The following CTNNA3 variants were observed in gnomAD, a reference collection of about 807,000 sequenced individuals.
The protein encoded by CTNNA3 is catenin alpha-3.
CTNNA3 carries 76 observed loss-of-function variants against 95.7 expected under a neutral mutation model. The ratio of observed to expected loss-of-function variants is 0.79; its 90% CI spans 0.66 to 0.96. The LOEUF (loss-of-function observed/expected upper bound fraction) is 0.96, where lower values mean the gene tolerates loss of function less well. CTNNA3 is among the 40% of genes least tolerant of loss of function. The pLI, the probability that CTNNA3 is intolerant of heterozygous loss-of-function variation, is 0.00. For synonymous variants in CTNNA3, 431 were observed against 374.4 expected (o/e 1.15, Z -1.74); for missense variants, 1,191 against 1,089.8 (o/e 1.09, Z -1.31).
intron 7 of CTNNA3, among the ~76,000 whole-genome samples, chr10:66,907,099 C>T (rs1428264466): frequency 6.6e-6 from 1 of 152,130 alleles, no homozygotes; most frequent in Non-Finnish European, 1.5e-5. Context: ...TTGATTCTTT[C>T]AATTCAAAAA....
At chr10:67,662,523 GAAGA>G (rs1344283458) in intron 1 of CTNNA3, among the ~76,000 whole-genome samples, 2 of 152,162 alleles carry the variant, frequency 1.3e-5, no homozygotes, top group Admixed American at 6.5e-5. Context: ...TGTTATGCAA[GAAGA>G]AAGAATGAAC....
chr10:67,759,738 C>T (rs1437715636), intron 1 of CTNNA3, among the ~76,000 whole-genome samples: 1 of 152,112 alleles, frequency 6.6e-6, no homozygotes, highest in African/African-American at 2.4e-5. Context: ...CTTGAAGAAG[C>T]AAACTACCAT....
intron 5 of CTNNA3, among the ~76,000 whole-genome samples, chr10:67,357,864 T>C (rs1302733976): frequency 6.6e-6 from 1 of 152,080 alleles, no homozygotes; most frequent in Non-Finnish European, 1.5e-5. Flanking sequence ...GTCCAAGAAC[T>C]TGAACTGTCT....
At chr10:67,173,216 TC>T (rs1453668060) in intron 7 of CTNNA3, among the ~76,000 whole-genome samples, 1 of 152,180 alleles carries the variant, frequency 6.6e-6, no homozygotes, top group Non-Finnish European at 1.5e-5. Context: ...TATAAGGGAT[TC>T]CCTTTTCAGC....
intron 5 of CTNNA3, among the ~76,000 whole-genome samples, chr10:67,482,275 A>G (rs1273581447): frequency 6.6e-6 from 1 of 151,904 alleles, no homozygotes; most frequent in African/African-American, 2.4e-5. Context: ...GTTTTTTCCA[A>G]TTCTGTGAAG....
chr10:67,271,542 GCAATGTGAGAACGGACTAATACAACTA>G (rs1489776596), intron 5 of CTNNA3, among the ~76,000 whole-genome samples: 7 of 152,088 alleles, frequency 4.6e-5, no homozygotes, highest in African/African-American at 7.2e-5. Context: ...TTTCTTCATA[GCAATGTGAGAACGGACTAATACAACTA>G]CACTCTTCTA....
intron 7 of CTNNA3, among the ~76,000 whole-genome samples, chr10:66,942,951 C>T (rs572196334): frequency 4.6e-5 from 7 of 152,154 alleles, no homozygotes; most frequent in Non-Finnish European, 1.0e-4. Flanking sequence ...TTAATGAGCA[C>T]CTATAATGTG....
intron 13 of CTNNA3, among the ~76,000 whole-genome samples, chr10:66,275,377 C>A (rs2091372516): frequency 6.6e-6 from 1 of 152,228 alleles, no homozygotes; most frequent in Non-Finnish European, 1.5e-5. Context: ...CTTGGCCTCC[C>A]AAACAGGCGT....
At chr10:67,192,253 C>T (rs1863151590) in intron 6 of CTNNA3, among the ~76,000 whole-genome samples, 1 of 151,846 alleles carries the variant, frequency 6.6e-6, no homozygotes, top group South Asian at 2.1e-4. Context: ...TAAAAATCTT[C>T]TTCTTCTGCA....
rs58880058 is a variant in CTNNA3 at position 66,374,606 on chromosome 10, C to CTTT, written c.1732+4543_1732+4545dup. ...TCATATTCCATTTTGAAAGAAAAGC[C>CTTT]TTTTTTTTTTTTTTTTTTTTTTTTT... On this transcript the variant is annotated intron_variant, in intron 12 of 17. Coordinates refer to ENST00000433211, the MANE Select transcript of CTNNA3 (RefSeq NM_013266.4). 6.4e-3 allele frequency among the ~76,000 whole-genome samples: 562 copies of CTTT among 88,122 alleles called. 47 individuals are homozygous for CTTT. Among genetic ancestry groups the CTTT allele is most frequent in the African/African-American group, 0.016 (289 of 17,710 alleles). 57.8% of individuals were successfully genotyped at this position (88,122 alleles called of 152,430 possible). A position where few individuals can be genotyped will look rare whatever the true frequency, so the allele number is the denominator to read the frequency against.
intron 11 of CTNNA3, among the ~76,000 whole-genome samples, chr10:66,432,678 A>AG (rs2093307121): frequency 6.6e-6 from 1 of 151,600 alleles, no homozygotes; most frequent in African/African-American, 2.4e-5. Context: ...AAAAAAAAAA[A>AG]AGTTCTGGTA....
intron 3 of CTNNA3, among the ~76,000 whole-genome samples, chr10:67,589,326 A>G (rs1275282679): frequency 6.6e-6 from 1 of 152,114 alleles, no homozygotes; most frequent in East Asian, 1.9e-4. Flanking sequence ...GGTGCCCAGG[A>G]CATATCTTAT....
intron 12 of CTNNA3, among the ~76,000 whole-genome samples, chr10:66,364,999 T>C (rs183706143): frequency 2.4e-3 from 361 of 152,294 alleles, no homozygotes; most frequent in African/African-American, 8.3e-3. Context: ...CATTGTATTA[T>C]TCATCCATTT....
At chr10:67,461,960 G>A (rs1448866663) in intron 5 of CTNNA3, among the ~76,000 whole-genome samples, 1 of 152,098 alleles carries the variant, frequency 6.6e-6, no homozygotes, top group Non-Finnish European at 1.5e-5. Flanking sequence ...GAAAAGAAAT[G>A]ATTTTGTTTT....
chr10:67,193,662 G>A (rs991949719), intron 6 of CTNNA3, among the ~76,000 whole-genome samples: 1 of 152,024 alleles, frequency 6.6e-6, no homozygotes, highest in Non-Finnish European at 1.5e-5. Flanking sequence ...TCCTGCAAAG[G>A]ACATAATCTC....
intron 12 of CTNNA3, among the ~76,000 whole-genome samples, chr10:66,327,313 A>G (rs2092266114): frequency 6.6e-6 from 1 of 152,110 alleles, no homozygotes; most frequent in African/African-American, 2.4e-5. Flanking sequence ...TAAGGAACTG[A>G]TGTTCTTCAC....
At chr10:66,484,058 G>C (rs1334430667) in intron 11 of CTNNA3, among the ~76,000 whole-genome samples, 1 of 151,998 alleles carries the variant, frequency 6.6e-6, no homozygotes, top group East Asian at 1.9e-4. Flanking sequence ...CCTTGTGGTT[G>C]CTATAAGTAT....
intron 11 of CTNNA3, among the ~76,000 whole-genome samples, chr10:66,470,738 A>G (rs1839098501): frequency 6.6e-6 from 1 of 151,898 alleles, no homozygotes; most frequent in Admixed American, 6.6e-5. Flanking sequence ...AAGGAGAGAA[A>G]GCAAGAAAGG....
At chr10:67,346,772 T>C (rs1482774064) in intron 5 of CTNNA3, 8 of 477,106 alleles carry the variant, frequency 1.7e-5, no homozygotes, top group South Asian at 9.2e-5. Flanking sequence ...AGAATTTCTG[T>C]GAAGCCTTAA....
Sources: gnomAD v4.1 joint callset for allele counts (sites outside exome capture counted in the v4.1 genomes callset) on GRCh38, gnomAD v4.1.1 for gene constraint, MANE v1.5 for transcripts, NCBI Gene and HGNC (gene_info 2026-07-23, HGNC 2026-07-21) for gene names.